Variants in KIAA1549 observed in about 807,000 individuals in gnomAD.
KIAA1549 encodes UPF0606 protein KIAA1549.
In KIAA1549, 70 loss-of-function variants were observed where a neutral mutation model predicts 156.4. The observed-to-expected ratio is 0.45, with a 90% confidence interval of 0.37 to 0.55. The LOEUF (loss-of-function observed/expected upper bound fraction) is 0.55, where lower values mean the gene tolerates loss of function less well. KIAA1549 is among the 20% of genes least tolerant of loss of function. KIAA1549 has a pLI of 0.00. For missense variants in KIAA1549, 2,428 were observed against 2,540.9 expected (o/e 0.96, Z 0.96); for synonymous variants, 1,103 against 1,066.4 (o/e 1.03, Z -0.67).
chr7:138,832,512 T>C lies in KIAA1549; in HGVS notation c.*5394A>G, dbSNP rs1441846667. The C allele has an allele frequency of 5.0e-6, 1 of 198,094 alleles. No homozygotes were observed. Among genetic ancestry groups the C allele is most frequent in the Non-Finnish European group, 1.0e-5 (1 of 95,738 alleles). 12.3% of individuals were successfully genotyped at this position (198,094 alleles called of 1,614,324 possible). A position where few individuals can be genotyped will look rare whatever the true frequency, so the allele number is the denominator to read the frequency against. On this transcript the variant is annotated 3_prime_UTR_variant, in exon 20 of 20. Transcript: ENST00000422774. ...CCATGCCCAGCCTATTCACTCTTTCTTTAGAAATGTGAAGTGACCCCTGAA... is the reference window on the plus strand; with the variant it reads ...CCATGCCCAGCCTATTCACTCTTTCCTTAGAAATGTGAAGTGACCCCTGAA...
chr7:138,941,880 G>A (rs1813192954), intron 1 of KIAA1549, among the ~76,000 whole-genome samples: 1 of 150,788 alleles, frequency 6.6e-6, no homozygotes, highest in Admixed American at 6.6e-5. Context: ...TTCCAAAGAG[G>A]AAATAAGGAA....
At chr7:138,899,186 C>A in intron 8 of KIAA1549, 54 bp from the exon 9 acceptor site, 1 of 1,524,492 alleles carries the variant, frequency 6.6e-7, no homozygotes, top group South Asian at 1.1e-5. Context: ...TCTAGATGCC[C>A]TCTCTCAGGT....
At chr7:138,943,822 C>G (rs1813263105) in intron 1 of KIAA1549, among the ~76,000 whole-genome samples, 1 of 151,758 alleles carries the variant, frequency 6.6e-6, no homozygotes, top group Admixed American at 6.6e-5. Context: ...GCACTCCAGC[C>G]TGGGCGACAG....
At chr7:138,845,056 C>G (rs1019393871) in intron 17 of KIAA1549, among the ~76,000 whole-genome samples, 1 of 152,036 alleles carries the variant, frequency 6.6e-6, no homozygotes, top group African/African-American at 2.4e-5. Context: ...TATCTCCAGA[C>G]CTCTTTTGAC....
intron 1 of KIAA1549, among the ~76,000 whole-genome samples, chr7:138,937,125 T>C (rs532203806): frequency 9.2e-5 from 14 of 152,134 alleles, no homozygotes; most frequent in Non-Finnish European, 2.1e-4. Flanking sequence ...CCATTAGTAT[T>C]ACCCTCCCCT....
chr7:138,896,639 G>C (rs1811692330), intron 9 of KIAA1549, among the ~76,000 whole-genome samples: 1 of 151,012 alleles, frequency 6.6e-6, no homozygotes, highest in Admixed American at 6.6e-5. Flanking sequence ...CTATCACTCA[G>C]GCTAGAATGT....
chr7:138,879,602 C>A lies in KIAA1549; in HGVS notation c.4281G>T (p.Arg1427Ser). ...DSTVSEESSE[R>S]DAGDKTPGAV... ...CTCCCGGCGTCTTATCTCCTGCGTCCCTCTCGCTGGACTCTTCACTGACCG... is the reference window on the plus strand; with the variant it reads ...CTCCCGGCGTCTTATCTCCTGCGTCACTCTCGCTGGACTCTTCACTGACCG... The change falls in exon 12 of 20, where the codon AGG (arginine) becomes AGT (serine). Residue 1427 changes from arginine (R) to serine (S), a missense_variant. Physicochemically the swap from Arg to Ser is moderately radical, Grantham distance 110. Coordinates refer to ENST00000422774, the MANE Select transcript of KIAA1549 (RefSeq NM_001164665.2). 6.4e-7 allele frequency: 1 copy of A among 1,566,816 alleles called. No individual in the cohort carries two copies. Among genetic ancestry groups the A allele is most frequent in the East Asian group, 2.4e-5 (1 of 42,190 alleles).
intron 1 of KIAA1549, among the ~76,000 whole-genome samples, chr7:138,953,026 T>C (rs1813544863): frequency 1.3e-5 from 2 of 152,234 alleles, no homozygotes; most frequent in South Asian, 4.1e-4. Context: ...GATCAAATTT[T>C]GTTGCTTCAA....
chr7:138,886,231 AT>A (rs1404073898), intron 10 of KIAA1549, among the ~76,000 whole-genome samples: 5 of 152,166 alleles, frequency 3.3e-5, no homozygotes, highest in African/African-American at 4.8e-5. Flanking sequence ...TGCTAACTTT[AT>A]GCACAAATGA....
At chr7:138,862,398 C>G (rs1056380323) in intron 15 of KIAA1549, among the ~76,000 whole-genome samples, 5 of 150,942 alleles carry the variant, frequency 3.3e-5, no homozygotes, top group Admixed American at 2.0e-4. Context: ...CAGCTACTCA[C>G]AAGGCTGAGT....
At chr7:138,901,458 T>A (rs1811839764) in intron 8 of KIAA1549, among the ~76,000 whole-genome samples, 1 of 151,414 alleles carries the variant, frequency 6.6e-6, no homozygotes, top group African/African-American at 2.4e-5. Context: ...CCTGAAGAGG[T>A]GGGATTACAG....
In KIAA1549 at chr7:138,916,914, G is replaced by A. The variant is rs199967133; in HGVS notation, c.2712C>T (p.Ala904=). Residue 904 remains alanine, a synonymous_variant, in exon 2 of 20, where the codon GCC becomes GCT. Coordinates refer to ENST00000422774, the MANE Select transcript of KIAA1549 (RefSeq NM_001164665.2). ...TACTCTCTGGGGGGCTCTGACTTGC[G>A]GCGTCACCCATCAGGGTGGAGTCGA... is the stretch of plus-strand genomic sequence containing the variant. ...GPLDSTLMGD[A]ASQSPPESSA... is the part of the protein sequence containing the mutation. 2.5e-5 allele frequency: 41 copies of A among 1,613,004 alleles called. No homozygotes were observed. The highest frequency in any genetic ancestry group is 3.3e-5 in the Non-Finnish European group (39 of 1,179,482).
chr7:138,933,210 G>A (rs1463165780), intron 1 of KIAA1549, among the ~76,000 whole-genome samples: 1 of 152,224 alleles, frequency 6.6e-6, no homozygotes, highest in African/African-American at 2.4e-5. Flanking sequence ...ATGGTACCTG[G>A]AGGGTCTGGG....
rs777493318 is a variant in KIAA1549, at chr7:138,899,099, T to G, written c.3703A>C (p.Asn1235His). The G allele has an allele frequency of 6.2e-7, 1 of 1,613,806 alleles. No individual in the cohort carries two copies. The highest frequency in any genetic ancestry group is 8.5e-7 in the Non-Finnish European group (1 of 1,179,748). The change falls in exon 9 of 20, where the codon AAT becomes CAT. Residue 1235 changes from asparagine (N) to histidine (H), a missense_variant. Physicochemically the swap from Asn to His is moderately conservative, Grantham distance 68. Transcript: ENST00000422774. ...VNVSRLEGDD[N>H]PVQLIYFVED... Reference sequence around the variant, plus strand: ...ACAAAGTAGATGAGCTGTACCGGATTGTCATCTCCCTCCAGCCTCGACACA... The same window carrying G: ...ACAAAGTAGATGAGCTGTACCGGATGGTCATCTCCCTCCAGCCTCGACACA...
chr7:138,973,201 C>T (rs1223109722), intron 1 of KIAA1549, among the ~76,000 whole-genome samples: 1 of 152,220 alleles, frequency 6.6e-6, no homozygotes, highest in Non-Finnish European at 1.5e-5. Flanking sequence ...TTCCACCAAC[C>T]CTCCTGCCAC....
chr7:138,974,635 C>T (rs1457251424), intron 1 of KIAA1549, among the ~76,000 whole-genome samples: 1 of 151,806 alleles, frequency 6.6e-6, no homozygotes, highest in African/African-American at 2.4e-5. Context: ...GTTGGCCAGG[C>T]TGGTCTCGAA....
At chr7:138,856,189 G>A (rs576841327) in intron 16 of KIAA1549, among the ~76,000 whole-genome samples, 21 of 151,094 alleles carry the variant, frequency 1.4e-4, no homozygotes, top group East Asian at 3.9e-4. Context: ...CCGCCACCAC[G>A]CCCAGCGAAT....
At chr7:138,897,892 C>CAAAAAAAA (rs59242488) in intron 9 of KIAA1549, among the ~76,000 whole-genome samples, 6 of 27,498 alleles carry the variant, frequency 2.2e-4, no homozygotes, top group African/African-American at 3.4e-4. Context: ...GACCCTTTCT[C>CAAAAAAAA]AAAAAAAAAA....
intron 1 of KIAA1549, among the ~76,000 whole-genome samples, chr7:138,953,325 C>T (rs966953911): frequency 1.3e-5 from 2 of 151,996 alleles, no homozygotes; most frequent in Non-Finnish European, 2.9e-5. Context: ...CACTGCATTT[C>T]GGCCTAGACA....
Sources: gnomAD v4.1 joint callset for allele counts (sites outside exome capture counted in the v4.1 genomes callset) on GRCh38, gnomAD v4.1.1 for gene constraint, MANE v1.5 for transcripts, NCBI Gene and HGNC (gene_info 2026-07-23, HGNC 2026-07-21) for gene names.